ME1: variants seen among roughly 807,000 people sequenced by gnomAD.
ME1 encodes the protein malic enzyme 1, also known as NADP-dependent malic enzyme.
In ME1, 74 loss-of-function variants were observed where a neutral mutation model predicts 66.4. That is an observed-to-expected ratio of 1.11 (90% CI 0.92 to 1.35). ME1 has a LOEUF of 1.35. Among genes scored for constraint, ME1 ranks in the 40% most tolerant of loss-of-function variants. The probability of loss-of-function intolerance (pLI) is 0.00; values close to 1 mark genes in which losing one functional copy is unlikely to be tolerated. For synonymous variants in ME1, 251 were observed against 235.6 expected (o/e 1.07, Z -0.60); for missense variants, 750 against 694.1 (o/e 1.08, Z -0.90).
Position 83,304,678 on chromosome 6 carries a change from C to T in ME1, c.704+10632G>A, listed in dbSNP as rs1444688492. Among the ~76,000 whole-genome samples the T allele has an allele frequency of 2.0e-5, 3 of 152,202 alleles. No homozygotes were observed. In the South Asian group the frequency reaches 6.2e-4, roughly 32 times the overall value. ...CACTACATATTGGTAAAATAAAAAA[C>T]ATGGCACACTGTGTTAATTCTGGCT... is the stretch of plus-strand genomic sequence containing the variant. On this transcript the variant is annotated intron_variant, in intron 6 of 13. Transcript: ENST00000369705.
intron 6 of ME1, among the ~76,000 whole-genome samples, chr6:83,276,228 AAGC>A (rs1767181327): frequency 6.6e-6 from 1 of 152,196 alleles, no homozygotes; most frequent in Non-Finnish European, 1.5e-5. Flanking sequence ...CAGTAATTGA[AAGC>A]AGTAATTACA....
intron 6 of ME1, among the ~76,000 whole-genome samples, chr6:83,314,553 T>C (rs1767990433): frequency 6.6e-6 from 1 of 152,152 alleles, no homozygotes; most frequent in South Asian, 2.1e-4. Flanking sequence ...TACATAAACT[T>C]TGTTTTACAC....
rs531074648 is a variant in ME1 at position 83,228,994 on chromosome 6, G to A, written c.1027-63C>T. ...AAACATGTGAGGGTCAATAAATTTCGGTACATATATTACAAATATTTATGC... is the reference window on the plus strand; with the variant it reads ...AAACATGTGAGGGTCAATAAATTTCAGTACATATATTACAAATATTTATGC... On this transcript the variant is annotated intron_variant, in intron 9 of 13. Coordinates refer to ENST00000369705, the MANE Select transcript of ME1 (RefSeq NM_002395.6). The A allele has an allele frequency of 1.3e-3, 1,342 of 1,038,024 alleles. 3 individuals carry two copies. Among genetic ancestry groups the A allele is most frequent in the Middle Eastern group, 1.7e-3 (8 of 4,754 alleles). 64.3% of individuals were successfully genotyped at this position (1,038,024 alleles called of 1,614,324 possible). A position where few individuals can be genotyped will look rare whatever the true frequency, so the allele number is the denominator to read the frequency against.
At position 83,289,602 on chromosome 6, in the gene ME1, G is replaced by C. The variant is rs1767462735; in HGVS notation, c.704+25708C>G. Among the ~76,000 whole-genome samples, 2 of 152,000 alleles carry C rather than the reference G, an allele frequency of 1.3e-5. 1 individual carries two copies. The highest frequency in any genetic ancestry group is 4.1e-4 in the South Asian group (2 of 4,826). On this transcript the variant is annotated intron_variant, in intron 6 of 13. Transcript: ENST00000369705. ...TATTGGCCTGAAATTTTCTTTTTTT[G>C]TTGTGTCTCTGCCAGGCTTTGGTAT...
chr6:83,212,201 C>A, intron 13 of ME1, 107 bp from the exon 14 acceptor site: 1 of 667,072 alleles, frequency 1.5e-6, no homozygotes, highest in East Asian at 3.0e-5. Context: ...CCTATGTTTG[C>A]AAAAACATTA....
At chr6:83,416,493 A>G (rs1012531956) in intron 1 of ME1, among the ~76,000 whole-genome samples, 2 of 152,218 alleles carry the variant, frequency 1.3e-5, no homozygotes, top group East Asian at 1.9e-4. Context: ...TCCTCAAGGT[A>G]TGGATGAGTA....
chr6:83,262,615 A>G (rs915893507), intron 6 of ME1, among the ~76,000 whole-genome samples: 4 of 152,232 alleles, frequency 2.6e-5, no homozygotes, highest in Non-Finnish European at 5.9e-5. Flanking sequence ...AGCAGAAAAG[A>G]GAATTGTATA....
At chr6:83,421,682 G>T (rs1005841920) in intron 1 of ME1, among the ~76,000 whole-genome samples, 5 of 152,116 alleles carry the variant, frequency 3.3e-5, no homozygotes, top group African/African-American at 1.2e-4. Context: ...TGTGTACAAA[G>T]ACTGCCAAGA....
At chr6:83,422,184 G>C (rs1243699550) in intron 1 of ME1, among the ~76,000 whole-genome samples, 1 of 152,214 alleles carries the variant, frequency 6.6e-6, no homozygotes, top group Non-Finnish European at 1.5e-5. Flanking sequence ...CAAAGGCTTT[G>C]AGAAGTAAAC....
chr6:83,399,486 T>G (rs1769803622), intron 2 of ME1, among the ~76,000 whole-genome samples: 1 of 152,222 alleles, frequency 6.6e-6, no homozygotes, highest in African/African-American at 2.4e-5. Context: ...ATTTCATCCT[T>G]TGACTTGCAG....
At chr6:83,244,383 A>T (rs1376356385) in intron 7 of ME1, among the ~76,000 whole-genome samples, 1 of 152,134 alleles carries the variant, frequency 6.6e-6, no homozygotes, top group African/African-American at 2.4e-5. Flanking sequence ...AACACACCTT[A>T]CTAGAATGCA....
At chr6:83,363,380 A>G (rs1296251134) in intron 3 of ME1, among the ~76,000 whole-genome samples, 1 of 152,236 alleles carries the variant, frequency 6.6e-6, no homozygotes, top group African/African-American at 2.4e-5. Context: ...CTGGACGATC[A>G]AGATGAAATC....
intron 1 of ME1, among the ~76,000 whole-genome samples, chr6:83,415,534 T>G (rs1770143634): frequency 6.6e-6 from 1 of 152,224 alleles, no homozygotes; most frequent in South Asian, 2.1e-4. Context: ...AATACATTAA[T>G]GTGAAACAAA....
intron 6 of ME1, among the ~76,000 whole-genome samples, chr6:83,287,910 A>C (rs1767427223): frequency 6.6e-6 from 1 of 152,122 alleles, no homozygotes; most frequent in South Asian, 2.1e-4. Flanking sequence ...ACCAGTTATA[A>C]TGAGCATTTT....
Position 83,373,324 on chromosome 6 carries a change from C to T in ME1, c.363-21185G>A, listed in dbSNP as rs188248600. ...GATCTCAGCTCACTGCAACCCGTACCTCCCGGGTTTAAGCGATGCTCCTGC... is the reference window on the plus strand; with the variant it reads ...GATCTCAGCTCACTGCAACCCGTACTTCCCGGGTTTAAGCGATGCTCCTGC... On this transcript the variant is annotated intron_variant, in intron 3 of 13. Transcript: ENST00000369705. Among the ~76,000 whole-genome samples the T allele has an allele frequency of 5.3e-5, 8 of 152,246 alleles. No individual in the cohort carries two copies. In the East Asian group the frequency reaches 1.5e-3, roughly 29 times the overall value.
chr6:83,232,084 T>A (rs1264464970), intron 9 of ME1, among the ~76,000 whole-genome samples: 1 of 152,178 alleles, frequency 6.6e-6, no homozygotes, highest in Non-Finnish European at 1.5e-5. Context: ...CAGCCCAGGA[T>A]AGGAATAAGT....
At chr6:83,241,889 G>A (rs903371060) in intron 7 of ME1, among the ~76,000 whole-genome samples, 9 of 151,816 alleles carry the variant, frequency 5.9e-5, no homozygotes, top group Non-Finnish European at 2.9e-5. Flanking sequence ...TTGAGTCAGC[G>A]TCTTACTCTG....
At chr6:83,394,566 A>G (rs1769692910) in intron 3 of ME1, among the ~76,000 whole-genome samples, 1 of 152,212 alleles carries the variant, frequency 6.6e-6, no homozygotes, top group African/African-American at 2.4e-5. Context: ...GCGCAGTATG[A>G]TAAATATTAC....
chr6:83,410,508 C>G (rs1271537413), intron 1 of ME1, among the ~76,000 whole-genome samples: 2 of 152,072 alleles, frequency 1.3e-5, no homozygotes, highest in East Asian at 3.9e-4. Context: ...CATGAAATAA[C>G]TCCTTGGAAT....
Sources: allele counts gnomAD v4.1 joint callset (sites outside exome capture counted in the v4.1 genomes callset), GRCh38; gene constraint gnomAD v4.1.1; transcripts MANE v1.5; gene names NCBI Gene and HGNC (gene_info 2026-07-23, HGNC 2026-07-21).